Variants in ABLIM3 observed in about 807,000 individuals in gnomAD.
ABLIM3 encodes actin-binding LIM protein 3.
In ABLIM3, 61 loss-of-function variants were observed where a neutral mutation model predicts 109.5. The observed-to-expected ratio is 0.56, with a 90% CI of 0.45 to 0.69. ABLIM3 has a LOEUF of 0.69. Ranked by LOEUF, ABLIM3 falls within the 30% of genes least tolerant of loss-of-function variation. The pLI is 0.00. For synonymous variants in ABLIM3, 300 were observed against 324.8 expected, an observed-to-expected ratio of 0.92 and a Z score of 0.82; for missense variants, 796 against 889.5, an observed-to-expected ratio of 0.89 and a Z score of 1.34.
At chr5:149,242,855 C>T (rs1030753876) in intron 15 of ABLIM3, among the ~76,000 whole-genome samples, 10 of 152,176 alleles carry the variant, frequency 6.6e-5, no homozygotes. Flanking sequence ...AGTCACACTC[C>T]AAGGCATTAA....
intron 5 of ABLIM3, among the ~76,000 whole-genome samples, chr5:149,203,723 C>T (rs1053849351): frequency 1.3e-5 from 2 of 152,044 alleles, no homozygotes; most frequent in African/African-American, 2.4e-5. Flanking sequence ...CCACCATCAT[C>T]ACTGTCACCA....
intron 10 of ABLIM3, among the ~76,000 whole-genome samples, chr5:149,234,169 G>A (rs1762128815): frequency 6.6e-6 from 1 of 152,164 alleles, no homozygotes; most frequent in East Asian, 1.9e-4. Context: ...AGAGGGACCT[G>A]ACAATCTAGG....
intron 2 of ABLIM3, among the ~76,000 whole-genome samples, chr5:149,166,472 C>T (rs1754840664): frequency 6.6e-6 from 1 of 152,194 alleles, no homozygotes; most frequent in Non-Finnish European, 1.5e-5. Context: ...ATGTTCCATC[C>T]TCTTCAGCAT....
chr5:149,190,156 A>G (rs954987981), intron 3 of ABLIM3, among the ~76,000 whole-genome samples: 5 of 152,238 alleles, frequency 3.3e-5, no homozygotes, highest in African/African-American at 7.2e-5. Flanking sequence ...CAAAACAGGC[A>G]TATTATATAA....
At chr5:149,188,699 T>G (rs143719335) in intron 3 of ABLIM3, among the ~76,000 whole-genome samples, 3 of 152,140 alleles carry the variant, frequency 2.0e-5, no homozygotes, top group Admixed American at 2.0e-4. Flanking sequence ...ACCCTTATGA[T>G]CTCATCTAAA....
chr5:149,198,161 CT>C lies in ABLIM3; in HGVS notation c.152-57del. On this transcript the variant is annotated intron_variant, in intron 3 of 23. Transcript: ENST00000309868. The surrounding 1 kb of genome is among the most constrained non-coding windows in gnomAD (Gnocchi z 4.2). ...CAGCCTTTCCCCCAGCGAGGACCTT[CT>C]GCTTACAGACCCTCCCTGGACTCAA... is the stretch of plus-strand genomic sequence containing the variant. 6.5e-7 allele frequency: 1 copy of C among 1,528,182 alleles called. No individual in the cohort carries two copies. The highest frequency in any genetic ancestry group is 1.8e-4 in the Middle Eastern group (1 of 5,694). 94.7% of individuals were successfully genotyped at this position (1,528,182 alleles called of 1,614,324 possible).
chr5:149,148,716 C>T (rs974497392), intron 2 of ABLIM3, among the ~76,000 whole-genome samples: 2 of 152,226 alleles, frequency 1.3e-5, no homozygotes, highest in Non-Finnish European at 2.9e-5. Flanking sequence ...TGCTCCTGGC[C>T]TTGCTGACCA....
At chr5:149,195,712 C>T (rs1173005548) in intron 3 of ABLIM3, among the ~76,000 whole-genome samples, 2 of 152,206 alleles carry the variant, frequency 1.3e-5, no homozygotes, top group Non-Finnish European at 2.9e-5. Context: ...TCAATTGTTC[C>T]ACCACCTGCA....
chr5:149,258,449 T>C lies in ABLIM3; in HGVS notation c.*45T>C. 6.4e-7 allele frequency: 1 copy of C among 1,570,210 alleles called. No individual in the cohort carries two copies. Among genetic ancestry groups the C allele is most frequent in the Non-Finnish European group, 8.6e-7 (1 of 1,163,092 alleles). On this transcript the variant is annotated 3_prime_UTR_variant, in exon 24 of 24. Coordinates refer to ENST00000309868, the MANE Select transcript of ABLIM3 (RefSeq NM_014945.5). ...ATATGCATTTATATAAAGATATATG[T>C]AAAATCTCTCTACTGAAGCTCGGTA...
In ABLIM3 at chr5:149,251,292, G is replaced by A. The variant is rs77858588; in HGVS notation, c.1789-67G>A. 4.8e-4 allele frequency: 762 copies of A among 1,583,688 alleles called. 4 individuals are homozygous for A. The African/African-American group carries it at 8.2e-3, about 17-fold the overall frequency. On this transcript the variant is annotated intron_variant, in intron 20 of 23. Coordinates refer to ENST00000309868, the MANE Select transcript of ABLIM3 (RefSeq NM_014945.5). ...AGCGCCAGTCCATTTTCTGGAGGTG[G>A]GTGAGTGCTTCAGGGAGGCAGAGGT...
chr5:149,247,150 T>C (rs73275733), intron 17 of ABLIM3, among the ~76,000 whole-genome samples: 12,083 of 152,262 alleles, frequency 0.079, 1,172 homozygotes, highest in African/African-American at 0.24. Context: ...CATGCCACAA[T>C]GTGGATGAAC....
chr5:149,211,768 A>G (rs1660809838), intron 7 of ABLIM3, among the ~76,000 whole-genome samples: 1 of 152,110 alleles, frequency 6.6e-6, no homozygotes, highest in African/African-American at 2.4e-5. Flanking sequence ...CTCTGAGGAC[A>G]TGCATTGAAG....
At chr5:149,239,623 A>AGGAG in intron 12 of ABLIM3, 136 bp from the exon 13 acceptor site, 1 of 1,228,778 alleles carries the variant, frequency 8.1e-7, no homozygotes, top group South Asian at 1.5e-5. Context: ...TAACTCAGGG[A>AGGAG]GGAGGGGGGT....
chr5:149,176,708 A>G (rs886736569), intron 2 of ABLIM3, among the ~76,000 whole-genome samples: 1 of 152,126 alleles, frequency 6.6e-6, no homozygotes, highest in African/African-American at 2.4e-5. Context: ...AATATTATCT[A>G]TTATCTTTCA....
chr5:149,148,907 G>T (rs1371721955), intron 2 of ABLIM3, among the ~76,000 whole-genome samples: 1 of 152,164 alleles, frequency 6.6e-6, no homozygotes, highest in Non-Finnish European at 1.5e-5. Context: ...ACCAAGGCTG[G>T]CCTCCTCACC....
Position 149,247,596 on chromosome 5 carries a change from C to T in ABLIM3, c.1552-186C>T, listed in dbSNP as rs751739455. 10 of 834,648 alleles carry T rather than the reference C, an allele frequency of 1.2e-5. 1 individual carries two copies. In the South Asian group the frequency reaches 1.3e-4, roughly 11 times the overall value. The allele number at this position is 834,648 out of a possible 1,614,324, so 51.7% of individuals were successfully genotyped here. A position where few individuals can be genotyped will look rare whatever the true frequency, so the allele number is the denominator to read the frequency against. On this transcript the variant is annotated intron_variant, in intron 17 of 23. Coordinates refer to ENST00000309868, the MANE Select transcript of ABLIM3 (RefSeq NM_014945.5). ...GACCCCCACCCAGACCACAGGACAA[C>T]TTGTGGAAGACAAGATGAGATTGCA...
chr5:149,165,816 C>G (rs1754769488), intron 2 of ABLIM3, among the ~76,000 whole-genome samples: 1 of 152,186 alleles, frequency 6.6e-6, no homozygotes, highest in Admixed American at 6.5e-5. Flanking sequence ...GTGGCATCAG[C>G]AGCTGTCCTG....
At chr5:149,214,895 G>T (rs1401118564) in intron 7 of ABLIM3, among the ~76,000 whole-genome samples, 1 of 152,130 alleles carries the variant, frequency 6.6e-6, no homozygotes, top group Non-Finnish European at 1.5e-5. Flanking sequence ...CTCAAATAGG[G>T]CTCTGTTTTG....
At chr5:149,184,486 A>G (rs902901628) in intron 3 of ABLIM3, among the ~76,000 whole-genome samples, 2 of 152,192 alleles carry the variant, frequency 1.3e-5, no homozygotes, top group African/African-American at 4.8e-5. Flanking sequence ...CCCCATGTCA[A>G]ACTATATCAC....
Sources: gnomAD v4.1 joint callset for allele counts (sites outside exome capture counted in the v4.1 genomes callset) on GRCh38, gnomAD v4.1.1 for gene constraint, Gnocchi (gnomAD v3.1) non-coding constraint, MANE v1.5 for transcripts, NCBI Gene and HGNC (gene_info 2026-07-23, HGNC 2026-07-21) for gene names.